The following SGK1 variants were observed in gnomAD, a reference collection of about 807,000 sequenced individuals.
SGK1 encodes serum/glucocorticoid regulated kinase 1, also known as serine/threonine-protein kinase Sgk1.
In SGK1, 26 loss-of-function variants were observed where a neutral mutation model predicts 64.2. The ratio of observed to expected loss-of-function variants is 0.40; its 90% CI spans 0.30 to 0.56. SGK1 has a LOEUF of 0.56. SGK1 is among the 20% of genes least tolerant of loss of function. The probability of loss-of-function intolerance (pLI) is 0.38; values close to 1 mark genes in which losing one functional copy is unlikely to be tolerated. For synonymous variants in SGK1, 265 were observed against 239.7 expected, an observed-to-expected ratio of 1.11 and a Z score of -0.98; for missense variants, 519 against 645.6, an observed-to-expected ratio of 0.80 and a Z score of 2.12.
chr6:134,177,924 C>T, intron 3 of SGK1: 1 of 1,248,296 alleles, frequency 8.0e-7, no homozygotes, highest in Non-Finnish European at 1.1e-6. Context: ...AAGTTCAACA[C>T]TGGGCCATTT....
chr6:134,232,564 T>C (rs957133511), intron 2 of SGK1, among the ~76,000 whole-genome samples: 2 of 151,646 alleles, frequency 1.3e-5, no homozygotes, highest in African/African-American at 4.8e-5. Flanking sequence ...AAAAATTATA[T>C]TTCAGGCTGG....
chr6:134,219,782 G>A lies in SGK1; in HGVS notation c.286-12351C>T, dbSNP rs1461237478. 8.5e-4 allele frequency among the ~76,000 whole-genome samples: 123 copies of A among 145,112 alleles called. 1 individual carries two copies. The highest frequency in any genetic ancestry group is 1.3e-3 in the Non-Finnish European group (84 of 66,060). On this transcript the variant is annotated intron_variant, in intron 2 of 13. Transcript: ENST00000367858. ...TCTCAAAAAAAAAAAAAAAGAGGCC[G>A]GGCGCGGTGGCTCACGCCTGTAGTC...
At chr6:134,223,300 G>A (rs561229628) in intron 2 of SGK1, among the ~76,000 whole-genome samples, 13 of 151,870 alleles carry the variant, frequency 8.6e-5, no homozygotes, top group Admixed American at 3.3e-4. Flanking sequence ...CCCGGGAGGT[G>A]GAGGTTGCGG....
At position 134,317,617 on chromosome 6, in the gene SGK1, G is replaced by A; in HGVS notation, c.-157C>T. Reference sequence around the variant, plus strand: ...CAGTTCTTCACTCGCGCATTCTGCAGCACCAGCTACTGCAGCAACCTCTCC... The same window carrying A: ...CAGTTCTTCACTCGCGCATTCTGCAACACCAGCTACTGCAGCAACCTCTCC... On this transcript the variant is annotated 5_prime_UTR_variant, in exon 1 of 14. Coordinates refer to ENST00000367858, the MANE Select transcript of SGK1 (RefSeq NM_001143676.3). 1.5e-6 allele frequency: 1 copy of A among 658,168 alleles called. No individual in the cohort carries two copies. The highest frequency in any genetic ancestry group is 2.8e-6 in the Non-Finnish European group (1 of 361,272). The allele number at this position is 658,168 out of a possible 1,614,324, so 40.8% of individuals were successfully genotyped here. A position where few individuals can be genotyped will look rare whatever the true frequency, so the allele number is the denominator to read the frequency against.
rs78448730 is a variant in SGK1, at chr6:134,238,684, A to G, written c.285+23249T>C. Among the ~76,000 whole-genome samples the G allele has an allele frequency of 2.0e-3, 306 of 152,318 alleles. 1 individual carries two copies. Among genetic ancestry groups the G allele is most frequent in the African/African-American group, 6.8e-3 (284 of 41,566 alleles). ...CTTTTAATTAGTACAACTGGGAAAT[A>G]AGGCATACCAGCCTTAATAAGGGTC... is the stretch of plus-strand genomic sequence containing the variant. On this transcript the variant is annotated intron_variant, in intron 2 of 13. Transcript: ENST00000367858.
At chr6:134,234,633 T>G (rs546932203) in intron 2 of SGK1, among the ~76,000 whole-genome samples, 3 of 152,012 alleles carry the variant, frequency 2.0e-5, no homozygotes, top group Non-Finnish European at 4.4e-5. Context: ...ATCCCAGTAT[T>G]TGGGAGGCCG....
chr6:134,207,120 G>A (rs1775805235), intron 3 of SGK1, among the ~76,000 whole-genome samples: 1 of 152,018 alleles, frequency 6.6e-6, no homozygotes, highest in African/African-American at 2.4e-5. Context: ...CAGCTACTCG[G>A]GAGGCTGAGG....
rs767153213 is a variant in SGK1 at position 134,171,750 on chromosome 6, G to T, written c.1072-18C>A. ...GCGAGATACTGAAAAACAGACCAGGGAAACAGCGTTTAGAACCTGCGAAAG... is the reference window on the plus strand; with the variant it reads ...GCGAGATACTGAAAAACAGACCAGGTAAACAGCGTTTAGAACCTGCGAAAG... On this transcript the variant is annotated intron_variant, in intron 10 of 13. Coordinates refer to ENST00000367858, the MANE Select transcript of SGK1 (RefSeq NM_001143676.3). The T allele has an allele frequency of 6.4e-7, 1 of 1,564,526 alleles. No individual in the cohort carries two copies. The highest frequency in any genetic ancestry group is 1.7e-5 in the Admixed American group (1 of 59,602).
intron 3 of SGK1, among the ~76,000 whole-genome samples, chr6:134,175,228 G>A (rs1482214635): frequency 6.6e-6 from 1 of 152,188 alleles, no homozygotes; most frequent in East Asian, 1.9e-4. Flanking sequence ...GGTTCGCAGC[G>A]CCGAAGCGCT....
chr6:134,317,778 G>C lies in SGK1; in HGVS notation c.-318C>G, dbSNP rs1046196121. 5 of 279,648 alleles carry C rather than the reference G, an allele frequency of 1.8e-5. No homozygotes were observed. The highest frequency in any genetic ancestry group is 3.3e-5 in the Non-Finnish European group (5 of 149,682). 17.3% of individuals were successfully genotyped at this position (279,648 alleles called of 1,614,324 possible). On this transcript the variant is annotated 5_prime_UTR_variant, in exon 1 of 14. Coordinates refer to ENST00000367858, the MANE Select transcript of SGK1 (RefSeq NM_001143676.3). ...CCGGGGAGATGCTGTGGCTCTTACC[G>C]AGCGGGAGAAGGGTACGCCTCCCCG...
intron 2 of SGK1, among the ~76,000 whole-genome samples, chr6:134,252,616 C>CAAA (rs11418007): frequency 0.023 from 1,438 of 63,724 alleles, 48 homozygotes; most frequent in Non-Finnish European, 0.025. Flanking sequence ...GATTCCACCT[C>CAAA]AAAAAAAAAA....
At chr6:134,250,059 A>G (rs1776583623) in intron 2 of SGK1, among the ~76,000 whole-genome samples, 1 of 152,286 alleles carries the variant, frequency 6.6e-6, no homozygotes, top group South Asian at 2.1e-4. Flanking sequence ...TTTTTCTCAC[A>G]TAGAAATCTA....
At chr6:134,255,148 C>T (rs903168429) in intron 2 of SGK1, among the ~76,000 whole-genome samples, 2 of 152,166 alleles carry the variant, frequency 1.3e-5, no homozygotes, top group Non-Finnish European at 2.9e-5. Flanking sequence ...GGATTACAGG[C>T]GTGAGCCACC....
rs1399904883 is a variant in SGK1 at position 134,215,142 on chromosome 6, T to C, written c.286-7711A>G. Reference sequence around the variant, plus strand: ...GTTTTCTTTCTTTCTTTCTTTTTTTTTTTTTGAGAGAGCTTTGTTGCCCAG... The same window carrying C: ...GTTTTCTTTCTTTCTTTCTTTTTTTCTTTTTGAGAGAGCTTTGTTGCCCAG... On this transcript the variant is annotated intron_variant, in intron 2 of 13. Coordinates refer to ENST00000367858, the MANE Select transcript of SGK1 (RefSeq NM_001143676.3). The C allele has an allele frequency of 5.1e-5, 22 of 433,332 alleles. No individual in the cohort carries two copies. In the East Asian group the frequency reaches 9.8e-4, roughly 19 times the overall value. The allele number at this position is 433,332 out of a possible 1,614,324, so 26.8% of individuals were successfully genotyped here.
chr6:134,244,565 GA>G (rs1433014897), intron 2 of SGK1, among the ~76,000 whole-genome samples: 1 of 152,160 alleles, frequency 6.6e-6, no homozygotes, highest in African/African-American at 2.4e-5. Context: ...GGCTACGGGA[GA>G]GAGTTCCCCG....
At chr6:134,170,479 A>G in intron 13 of SGK1, 44 bp from the exon 14 acceptor site, 3 of 1,565,082 alleles carry the variant, frequency 1.9e-6, no homozygotes, top group Non-Finnish European at 2.6e-6. Flanking sequence ...AACTCACACT[A>G]GACACAGGAC....
rs567703130 is a variant in SGK1, at chr6:134,257,792, G to A, written c.285+4141C>T. ...TGCACATCAATTTACGTTTACAAAAGAGTTTTTAAAATACAATCTCATCTA... is the reference window on the plus strand; with the variant it reads ...TGCACATCAATTTACGTTTACAAAAAAGTTTTTAAAATACAATCTCATCTA... On this transcript the variant is annotated intron_variant, in intron 2 of 13. Coordinates refer to ENST00000367858, the MANE Select transcript of SGK1 (RefSeq NM_001143676.3). Among the ~76,000 whole-genome samples, 10 of 152,270 alleles carry A rather than the reference G, an allele frequency of 6.6e-5. No individual in the cohort carries two copies. In the South Asian group the frequency reaches 2.1e-3, roughly 32 times the overall value.
Position 134,207,432 on chromosome 6 carries a change from CT to C in SGK1, c.286-2del. On this transcript the variant is annotated splice_acceptor_variant, in intron 2 of 13. Transcript: ENST00000367858. LOFTEE classifies it high-confidence loss of function. ...TGGCATGATTACATGGCTCTCTCAC[CT>C]TTAAAACATAAAGAGAAAAGAAGTG... 1 of 1,603,836 alleles carries C rather than the reference CT, an allele frequency of 6.2e-7. No homozygotes were observed. Among genetic ancestry groups the C allele is most frequent in the Non-Finnish European group, 8.5e-7 (1 of 1,171,250 alleles).
intron 3 of SGK1, among the ~76,000 whole-genome samples, chr6:134,192,336 G>A (rs1373825703): frequency 2.6e-5 from 4 of 152,136 alleles, no homozygotes; most frequent in Admixed American, 2.6e-4. Context: ...TCAGGATTTC[G>A]TGAGCTGCAT....
Sources: gnomAD v4.1 joint callset for allele counts (sites outside exome capture counted in the v4.1 genomes callset) on GRCh38, gnomAD v4.1.1 for gene constraint, MANE v1.5 for transcripts, NCBI Gene and HGNC (gene_info 2026-07-23, HGNC 2026-07-21) for gene names.